The following GPM6B variants were observed in gnomAD, a reference collection of about 807,000 sequenced individuals.
GPM6B encodes the protein neuronal membrane glycoprotein M6-b.
GPM6B carries 4 observed loss-of-function variants against 27.2 expected under a neutral mutation model. The observed-to-expected ratio is 0.15, with a 90% CI of 0.07 to 0.34. The LOEUF (loss-of-function observed/expected upper bound fraction) is 0.34. GPM6B is among the 10% of genes least tolerant of loss of function. GPM6B has a pLI of 1.00. For synonymous variants in GPM6B, 124 were observed against 103.1 expected (o/e 1.20, Z -1.23); for missense variants, 183 against 261.9 (o/e 0.70, Z 2.08).
chrX:13,907,389 T>C (rs1266338474), intron 1 of GPM6B, among the ~76,000 whole-genome samples: 1 of 112,535 alleles, frequency 8.9e-6, no homozygotes, highest in Non-Finnish European at 1.9e-5. Context: ...CATTTAAAGT[T>C]ATAGTTAAAT....
In GPM6B at chrX:13,843,412, C is replaced by T. The variant is rs183207293; in HGVS notation, c.-197-57604G>A. ...CACTACTACTATGAACACTCATGTA[C>T]AAGCTTTTGTGTGAACACAAGTTTT... On this transcript the variant is annotated intron_variant, in intron 1 of 6. Transcript: ENST00000398361. Among the ~76,000 whole-genome samples, 73 of 112,504 alleles carry T rather than the reference C, an allele frequency of 6.5e-4. 1 individual carries two copies. The highest frequency in any genetic ancestry group is 4.1e-4 in the Non-Finnish European group (22 of 53,298).
chrX:13,880,403 C>T (rs1386397723), intron 1 of GPM6B, among the ~76,000 whole-genome samples: 2 of 111,007 alleles, frequency 1.8e-5, no homozygotes, highest in African/African-American at 3.3e-5. Context: ...AGGCCGGGCG[C>T]GGTGGCTCAC....
At chrX:13,858,629 A>G (rs1453103311) in intron 1 of GPM6B, among the ~76,000 whole-genome samples, 1 of 111,367 alleles carries the variant, frequency 9.0e-6, no homozygotes, top group East Asian at 2.8e-4. Context: ...CAGTCCAGCC[A>G]TTTTTAAGTA....
chrX:13,856,687 C>T lies in GPM6B; in HGVS notation c.-197-70879G>A, dbSNP rs1000682879. Among the ~76,000 whole-genome samples, 10 of 102,163 alleles carry T rather than the reference C, an allele frequency of 9.8e-5. No individual in the cohort carries two copies. In the South Asian group the frequency reaches 1.3e-3, roughly 13 times the overall value. 88.7% of individuals were successfully genotyped at this position (102,163 alleles called of 115,157 possible). On this transcript the variant is annotated intron_variant, in intron 1 of 6. Coordinates refer to the GPM6B transcript ENST00000398361. ...CTAGGCTGAAGTCAAGGTGTCTGCA[C>T]CTTTATTTTTTTTTTTATTATTTTT...
At chrX:13,926,124 C>A (rs1438182862) in intron 1 of GPM6B, among the ~76,000 whole-genome samples, 1 of 107,193 alleles carries the variant, frequency 9.3e-6, no homozygotes, top group African/African-American at 3.4e-5. Flanking sequence ...GTTTGTGGAG[C>A]ATAAAACGCT....
chrX:13,800,390 A>G (rs1169155674), intron 2 of GPM6B, among the ~76,000 whole-genome samples: 1 of 112,163 alleles, frequency 8.9e-6, no homozygotes, highest in East Asian at 2.8e-4. Context: ...AAGCCGAGAT[A>G]ATATACATTT....
At chrX:13,857,039 C>T (rs754490498) in intron 1 of GPM6B, among the ~76,000 whole-genome samples, 1 of 111,381 alleles carries the variant, frequency 9.0e-6, no homozygotes, top group African/African-American at 3.3e-5. Context: ...AGCAACATAA[C>T]ATCTTTCCGA....
chrX:13,826,300 T>C (rs1157310770), intron 1 of GPM6B, among the ~76,000 whole-genome samples: 1 of 110,738 alleles, frequency 9.0e-6, no homozygotes, highest in Non-Finnish European at 1.9e-5. Flanking sequence ...ACCCTTACCT[T>C]ACGTCTCAGC....
chrX:13,871,079 AAAAAC>A (rs1555924628), intron 1 of GPM6B, among the ~76,000 whole-genome samples: 1,264 of 85,383 alleles, frequency 0.015, 13 homozygotes, highest in African/African-American at 0.048. Flanking sequence ...AAACAAAAAC[AAAAAC>A]AAAACAAAAC....
chrX:13,859,616 T>C (rs1569265873), intron 1 of GPM6B, among the ~76,000 whole-genome samples: 1 of 110,153 alleles, frequency 9.1e-6, no homozygotes. Context: ...AGAACTACCA[T>C]CTCAATTAAT....
At chrX:13,887,388 G>A (rs2050147770) in intron 1 of GPM6B, among the ~76,000 whole-genome samples, 2 of 111,983 alleles carry the variant, frequency 1.8e-5, no homozygotes, top group South Asian at 7.5e-4. Context: ...GTAACAAGAG[G>A]ACACCACATC....
chrX:13,901,443 A>G (rs1015547618), intron 1 of GPM6B, among the ~76,000 whole-genome samples: 1 of 109,600 alleles, frequency 9.1e-6, no homozygotes, highest in East Asian at 2.8e-4. Flanking sequence ...TTTTTAAAAA[A>G]AAAGGACTCA....
intron 2 of GPM6B, among the ~76,000 whole-genome samples, chrX:13,804,413 A>G: frequency 9.2e-5 from 1 of 10,881 alleles, no homozygotes; most frequent in African/African-American, 4.4e-4. Context: ...AGCATCATGG[A>G]CGGCGGGGGG....
At chrX:13,922,085 C>T (rs777239524) in intron 1 of GPM6B, among the ~76,000 whole-genome samples, 1 of 111,541 alleles carries the variant, frequency 9.0e-6, no homozygotes, top group East Asian at 2.8e-4. Context: ...TTTACCTAGT[C>T]CTCAATTTGG....
chrX:13,934,925 G>A (rs1168636278), intron 1 of GPM6B, among the ~76,000 whole-genome samples: 1 of 111,266 alleles, frequency 9.0e-6, no homozygotes, highest in African/African-American at 3.3e-5. Flanking sequence ...GGAACCAGAA[G>A]CATGAGCACC....
At chrX:13,828,972 G>A (rs1273123496) in intron 1 of GPM6B, among the ~76,000 whole-genome samples, 1 of 111,696 alleles carries the variant, frequency 9.0e-6, no homozygotes, top group Admixed American at 9.5e-5. Context: ...CTGGATGCCA[G>A]AGTAGGGAAA....
At chrX:13,822,494 T>A (rs1388352654) in intron 1 of GPM6B, among the ~76,000 whole-genome samples, 4 of 110,669 alleles carry the variant, frequency 3.6e-5, no homozygotes, top group Non-Finnish European at 5.7e-5. Flanking sequence ...GCCTCCCCAG[T>A]CGCTGGGACT....
intron 1 of GPM6B, among the ~76,000 whole-genome samples, chrX:13,909,853 C>G (rs1261951549): frequency 1.8e-5 from 2 of 111,739 alleles, no homozygotes; most frequent in East Asian, 5.6e-4. Flanking sequence ...AACTTCCATG[C>G]AGCTGTTGAG....
intron 1 of GPM6B, among the ~76,000 whole-genome samples, chrX:13,905,025 AG>A (rs768634611): frequency 1.8e-5 from 2 of 109,219 alleles, no homozygotes; most frequent in South Asian, 8.1e-4. Context: ...GCTTGAGCCC[AG>A]GAGTTTGAGA....
Sources: allele counts gnomAD v4.1 joint callset (sites outside exome capture counted in the v4.1 genomes callset), GRCh38; gene constraint gnomAD v4.1.1; transcripts MANE v1.5; gene names NCBI Gene and HGNC (gene_info 2026-07-23, HGNC 2026-07-21).